GATAD2A: variants seen among roughly 807,000 people sequenced by gnomAD.
GATAD2A encodes the protein GATA zinc finger domain containing 2A.
A neutral mutation model predicts 68.5 loss-of-function variants in GATAD2A; 12 were observed. The observed-to-expected ratio is 0.18, with a 90% CI of 0.11 to 0.28. The LOEUF is 0.28. Among genes scored for constraint, GATAD2A ranks in the 10% least tolerant of loss-of-function variants. The probability of loss-of-function intolerance (pLI) is 1.00; values close to 1 mark genes in which losing one functional copy is unlikely to be tolerated. For synonymous variants in GATAD2A, 410 were observed against 375.3 expected (o/e 1.09, Z -1.07); for missense variants, 755 against 868.5 (o/e 0.87, Z 1.64).
At chr19:19,489,248 A>C (rs1229043186) in intron 2 of GATAD2A, among the ~76,000 whole-genome samples, 1 of 152,244 alleles carries the variant, frequency 6.6e-6, no homozygotes, top group African/African-American at 2.4e-5. Flanking sequence ...CTGGCGCCAC[A>C]CAGGAAGTGC....
At position 19,498,434 on chromosome 19, in the gene GATAD2A, C is replaced by T; in HGVS notation, c.925-9C>T. The T allele has an allele frequency of 6.3e-7, 1 of 1,594,878 alleles. No individual in the cohort carries two copies. The highest frequency in any genetic ancestry group is 8.6e-7 in the Non-Finnish European group (1 of 1,165,346). On this transcript the variant is annotated splice_polypyrimidine_tract_variant and intron_variant, in intron 7 of 11. Coordinates refer to ENST00000683918, the MANE Select transcript of GATAD2A (RefSeq NM_001384528.1). ...CGGAGCGCCCTGACTGAGTTTTTGT[C>T]TCCCAAAGCCCACCCCAGCATCACT... is the stretch of plus-strand genomic sequence containing the variant.
rs1263070784 is a variant in GATAD2A, at chr19:19,508,789, TAGTA to T, written c.*3317_*3320del. On this transcript the variant is annotated 3_prime_UTR_variant, in exon 12 of 12. Coordinates refer to ENST00000683918, the MANE Select transcript of GATAD2A (RefSeq NM_001384528.1). ...ATTTATTGTGACTCTAAATCTTTGA[TAGTA>T]AAACAAATGTAAAAAGAAATGTTTG... 1.3e-5 allele frequency: 2 copies of T among 152,200 alleles called. No homozygotes were observed. Among genetic ancestry groups the T allele is most frequent in the African/African-American group, 4.8e-5 (2 of 41,438 alleles). The allele number at this position is 152,200 out of a possible 1,614,324, so 9.4% of individuals were successfully genotyped here.
intron 1 of GATAD2A, among the ~76,000 whole-genome samples, chr19:19,440,957 T>C (rs4808952): frequency 8.4e-4 from 67 of 79,768 alleles, no homozygotes; most frequent in South Asian, 3.0e-3. Context: ...TCCTTCCTTT[T>C]CTTCCTTCCC....
At chr19:19,436,783 C>T (rs951343569) in intron 1 of GATAD2A, among the ~76,000 whole-genome samples, 1 of 152,182 alleles carries the variant, frequency 6.6e-6, no homozygotes, top group African/African-American at 2.4e-5. Context: ...CGTTTTGGCC[C>T]AAGGCTACCT....
chr19:19,497,811 G>A (rs1402290461), intron 7 of GATAD2A, among the ~76,000 whole-genome samples: 1 of 152,210 alleles, frequency 6.6e-6, no homozygotes, highest in Non-Finnish European at 1.5e-5. Context: ...GCCCTATCCA[G>A]CAGTTGTGGG....
intron 2 of GATAD2A, among the ~76,000 whole-genome samples, chr19:19,478,338 C>G (rs960473345): frequency 6.6e-6 from 1 of 152,158 alleles, no homozygotes; most frequent in Non-Finnish European, 1.5e-5. Context: ...CAGTGGCTTA[C>G]GCCTGTAATC....
chr19:19,386,940 C>T (rs2048474654), intron 1 of GATAD2A, among the ~76,000 whole-genome samples: 1 of 151,836 alleles, frequency 6.6e-6, no homozygotes, highest in Admixed American at 6.5e-5. Flanking sequence ...ACCCCTGCCT[C>T]CCTAGAGACC....
chr19:19,475,501 C>T (rs2058619963), intron 2 of GATAD2A, among the ~76,000 whole-genome samples: 1 of 150,656 alleles, frequency 6.6e-6, no homozygotes, highest in Non-Finnish European at 1.5e-5. Flanking sequence ...CCTCCACTGC[C>T]CCAGCCCCTC....
In GATAD2A at chr19:19,405,724, C is replaced by T. The variant is rs897775054; in HGVS notation, c.-302C>T. The stretch of plus-strand genomic sequence containing the variant: ...CGGGCGGCGTCGCCTTTAAGAGCTC[C>T]CCGGTGTTTTGGGGGCCGCGGGCCG... On this transcript the variant is annotated 5_prime_UTR_variant, in exon 1 of 12. Transcript: ENST00000683918. The T allele has an allele frequency of 6.6e-6, 1 of 151,822 alleles. No homozygotes were observed. Among genetic ancestry groups the T allele is most frequent in the African/African-American group, 2.4e-5 (1 of 41,394 alleles). 9.4% of individuals were successfully genotyped at this position (151,822 alleles called of 1,614,324 possible).
chr19:19,471,730 G>C (rs1295557718), intron 2 of GATAD2A, among the ~76,000 whole-genome samples: 4 of 152,196 alleles, frequency 2.6e-5, no homozygotes, highest in South Asian at 4.1e-4. Context: ...TTTGGTTTCT[G>C]TTGTGGCATC....
In GATAD2A at chr19:19,508,871, C is replaced by G. The variant is rs563758558; in HGVS notation, c.*3397C>G. The G allele has an allele frequency of 6.6e-6, 1 of 152,120 alleles. No homozygotes were observed. The highest frequency in any genetic ancestry group is 6.6e-5 in the Admixed American group (1 of 15,262). The allele number at this position is 152,120 out of a possible 1,614,324, so 9.4% of individuals were successfully genotyped here. On this transcript the variant is annotated 3_prime_UTR_variant, in exon 12 of 12. Coordinates refer to ENST00000683918, the MANE Select transcript of GATAD2A (RefSeq NM_001384528.1). The stretch of plus-strand genomic sequence containing the variant: ...AAGCAGGCTGGAATGGGTGGCTATA[C>G]GTTGTATCACGAGGAAGTTTTAGAC...
At chr19:19,495,688 G>C in intron 5 of GATAD2A, 66 bp from the exon 6 acceptor site, 1 of 1,358,968 alleles carries the variant, frequency 7.4e-7, no homozygotes, top group Non-Finnish European at 1.0e-6. Context: ...CAGCAAAACT[G>C]CTTGCTTTAA....
upstream of GATAD2A, chr19:19,402,748 GTTTT>G (rs1352505941): frequency 7.3e-6 from 1 of 136,440 alleles, no homozygotes. Context: ...ATCACTAAGG[GTTTT>G]TTTTTTTTGT....
At position 19,505,525 on chromosome 19, in the gene GATAD2A, C is replaced by G. The variant is rs971818215; in HGVS notation, c.*51C>G. ...GGCTCCCTCCTCCCCCACCTGGCCC[C>G]TGGTCTAGAAGGACCCACTGCACCA... On this transcript the variant is annotated 3_prime_UTR_variant, in exon 12 of 12. Transcript: ENST00000683918. The G allele has an allele frequency of 6.6e-7, 1 of 1,520,562 alleles. No homozygotes were observed. Among genetic ancestry groups the G allele is most frequent in the East Asian group, 2.4e-5 (1 of 41,248 alleles). 94.2% of individuals were successfully genotyped at this position (1,520,562 alleles called of 1,614,324 possible).
intron 2 of GATAD2A, among the ~76,000 whole-genome samples, chr19:19,487,739 C>T (rs1298682328): frequency 6.6e-6 from 1 of 152,150 alleles, no homozygotes; most frequent in Admixed American, 6.5e-5. Flanking sequence ...GTGGGCCAGG[C>T]CCCAGGAGGG....
At chr19:19,438,288 C>T (rs1314906431) in intron 1 of GATAD2A, among the ~76,000 whole-genome samples, 5 of 152,240 alleles carry the variant, frequency 3.3e-5, no homozygotes, top group Admixed American at 6.5e-5. Flanking sequence ...CTCTGTCACC[C>T]AGGCTGGAGT....
chr19:19,416,269 C>G (rs1238796188), intron 1 of GATAD2A, among the ~76,000 whole-genome samples: 2 of 151,682 alleles, frequency 1.3e-5, no homozygotes, highest in African/African-American at 4.9e-5. Flanking sequence ...TAGTCCCGGG[C>G]AAGAGCGAGG....
intron 1 of GATAD2A, among the ~76,000 whole-genome samples, chr19:19,424,179 G>A (rs951808893): frequency 5.3e-5 from 8 of 151,904 alleles, no homozygotes; most frequent in Admixed American, 1.3e-4. Context: ...CCACCTCAGC[G>A]TCCCAAAGGG....
chr19:19,464,775 G>A (rs1183961829), intron 1 of GATAD2A: 2 of 165,960 alleles, frequency 1.2e-5, no homozygotes, highest in African/African-American at 4.8e-5. Context: ...AGGGTTAAAT[G>A]TGATCCCCAG....
Sources: gnomAD v4.1 joint callset for allele counts (sites outside exome capture counted in the v4.1 genomes callset) on GRCh38, gnomAD v4.1.1 for gene constraint, MANE v1.5 for transcripts, NCBI Gene and HGNC (gene_info 2026-07-23, HGNC 2026-07-21) for gene names.